TMEM237: variants seen among roughly 807,000 people sequenced by gnomAD.
TMEM237 encodes transmembrane protein 237.
TMEM237 carries 51 observed loss-of-function variants against 59.1 expected under a neutral mutation model. The observed-to-expected ratio is 0.86, with a 90% CI of 0.69 to 1.09. TMEM237 has a LOEUF of 1.09. TMEM237 is among the 50% of genes least tolerant of loss of function. TMEM237 has a pLI of 0.00. For missense variants in TMEM237, 475 were observed against 478.3 expected (o/e 0.99, Z 0.06); for synonymous variants, 140 against 166.1 (o/e 0.84, Z 1.21).
chr2:201,638,746 T>C (rs1452102009), intron 4 of TMEM237: 3 of 518,988 alleles, frequency 5.8e-6, no homozygotes, highest in Non-Finnish European at 6.8e-6. Flanking sequence ...ATCATGGAAA[T>C]AGGAGCTTAG....
intron 5 of TMEM237, chr2:201,634,265 A>G (rs1380350469): frequency 6.6e-6 from 1 of 152,140 alleles, no homozygotes; most frequent in Non-Finnish European, 1.5e-5. Flanking sequence ...CTTCTAATCC[A>G]CTAGCTACTC....
intron 7 of TMEM237, chr2:201,631,193 TAAGAAG>T (rs960779118): frequency 2.0e-5 from 3 of 152,154 alleles, no homozygotes; most frequent in Non-Finnish European, 4.4e-5. Flanking sequence ...ATAATCCTTT[TAAGAAG>T]AAGAAGACAC....
Position 201,622,931 on chromosome 2 carries a change from T to G in TMEM237, c.*1324A>C, listed in dbSNP as rs1175265180. ...CCTGAAGTTTGCTGACGGGGAAGAT[T>G]ATGAACTCCTATACTGCCAGCTTAT... On this transcript the variant is annotated 3_prime_UTR_variant, in exon 13 of 13. Coordinates refer to ENST00000409883, the MANE Select transcript of TMEM237 (RefSeq NM_001044385.3). The G allele has an allele frequency of 6.4e-6, 1 of 156,948 alleles. No homozygotes were observed. Among genetic ancestry groups the G allele is most frequent in the Non-Finnish European group, 1.4e-5 (1 of 70,858 alleles). 9.7% of individuals were successfully genotyped at this position (156,948 alleles called of 1,614,324 possible).
intron 1 of TMEM237, among the ~76,000 whole-genome samples, chr2:201,641,218 C>T (rs1687409960): frequency 6.6e-6 from 1 of 152,170 alleles, no homozygotes; most frequent in Non-Finnish European, 1.5e-5. Flanking sequence ...TCTTGAACTC[C>T]TGACCTCAGG....
rs765332524 is a variant in TMEM237 at position 201,642,747 on chromosome 2, C to A, written c.42+612G>T. The A allele has an allele frequency of 3.0e-5, 44 of 1,467,590 alleles. No individual in the cohort carries two copies. In the East Asian group the frequency reaches 1.1e-3, roughly 35 times the overall value. 90.9% of individuals were successfully genotyped at this position (1,467,590 alleles called of 1,614,324 possible). On this transcript the variant is annotated intron_variant, in intron 1 of 12. Coordinates refer to ENST00000409883, the MANE Select transcript of TMEM237 (RefSeq NM_001044385.3). Reference sequence around the variant, plus strand: ...GGGCCGCGCCGCCTGGCTAGTACCCCGCGCGCAGCGCCCTGCGGGGATGTT... The same window carrying A: ...GGGCCGCGCCGCCTGGCTAGTACCCAGCGCGCAGCGCCCTGCGGGGATGTT...
rs918207196 is a variant in TMEM237, at chr2:201,629,354, C to G, written c.745G>C (p.Val249Leu). The G allele has an allele frequency of 6.2e-7, 1 of 1,610,000 alleles. No individual in the cohort carries two copies. The highest frequency in any genetic ancestry group is 1.3e-5 in the African/African-American group (1 of 74,918). ...TTGGATAGCTGATCTCCTGCTAGAA[C>G]ATATATCACAACAATATTCCACACA... ...CAVWNIVVIY[V>L]LAGDQLSNLS... Residue 249 changes from valine (V) to leucine (L), a missense_variant, in exon 9 of 13, where the codon GTT (valine) becomes CTT (leucine). By Grantham distance (32) the Val-to-Leu change is conservative. Transcript: ENST00000409883.
Position 201,622,395 on chromosome 2 carries a change from C to T in TMEM237, c.*1860G>A, listed in dbSNP as rs1460762812. Reference sequence around the variant, plus strand: ...CAAAACCAAGGTATCCACAGAGCTGCCTTCCTTTCTTGGCTCTAGGGGAGG... The same window carrying T: ...CAAAACCAAGGTATCCACAGAGCTGTCTTCCTTTCTTGGCTCTAGGGGAGG... On this transcript the variant is annotated 3_prime_UTR_variant, in exon 13 of 13. Coordinates refer to ENST00000409883, the MANE Select transcript of TMEM237 (RefSeq NM_001044385.3). 1 of 152,248 alleles carries T rather than the reference C, an allele frequency of 6.6e-6. No individual in the cohort carries two copies. The highest frequency in any genetic ancestry group is 6.5e-5 in the Admixed American group (1 of 15,276). 9.4% of individuals were successfully genotyped at this position (152,248 alleles called of 1,614,324 possible).
At chr2:201,628,490 A>G (rs1419510486) in intron 9 of TMEM237, among the ~76,000 whole-genome samples, 1 of 152,130 alleles carries the variant, frequency 6.6e-6, no homozygotes, top group Admixed American at 6.5e-5. Context: ...AAGGGGCTAA[A>G]TTGTGTTCCC....
At chr2:201,638,718 C>T in intron 4 of TMEM237, 1 of 454,286 alleles carries the variant, frequency 2.2e-6, no homozygotes, top group Admixed American at 3.9e-5. Context: ...GATAAAAGAC[C>T]TTAAAGAGTC....
At position 201,636,791 on chromosome 2, in the gene TMEM237, C is replaced by A. The variant is rs779250127; in HGVS notation, c.231G>T (p.Glu77Asp). ...TTTTCTGTCTTCTTTGAACAGGAGCCTCTGGGTGCTCTTTGAGTTCTTTAG... is the reference window on the plus strand; with the variant it reads ...TTTTCTGTCTTCTTTGAACAGGAGCATCTGGGTGCTCTTTGAGTTCTTTAG... ...PSTKELKEHP[E>D]APVQRRQKKT... The change falls in exon 5 of 13, where the codon GAG (glutamate) becomes GAT (aspartate). Residue 77 changes from glutamate (E) to aspartate (D), a missense_variant. By Grantham distance (45) the Glu-to-Asp change is conservative. Transcript: ENST00000409883. 2.3e-5 allele frequency: 37 copies of A among 1,590,192 alleles called. No individual in the cohort carries two copies. The highest frequency in any genetic ancestry group is 2.9e-5 in the Non-Finnish European group (34 of 1,167,628).
Position 201,643,273 on chromosome 2 carries a change from C to CGGGGGGGGGG in TMEM237, c.42+85_42+86insCCCCCCCCCC. The CGGGGGGGGGG allele has an allele frequency of 8.2e-7, 1 of 1,223,756 alleles. No individual in the cohort carries two copies. The highest frequency in any genetic ancestry group is 1.3e-5 in the South Asian group (1 of 74,864). 75.8% of individuals were successfully genotyped at this position (1,223,756 alleles called of 1,614,324 possible). Reference sequence around the variant, plus strand: ...CCCTTAGTGATTCCCAGCTCGTTGGCGCCCCCCCACACACACCCACCCCCA... The same window carrying CGGGGGGGGGG: ...CCCTTAGTGATTCCCAGCTCGTTGGCGGGGGGGGGGGCCCCCCCACACACACCCACCCCCA... On this transcript the variant is annotated intron_variant, in intron 1 of 12. Transcript: ENST00000409883. This position sits in a 1 kb window ranked among gnomAD's most constrained non-coding sequence, Gnocchi z 4.3.
chr2:201,629,419 A>T lies in TMEM237; in HGVS notation c.680T>A (p.Met227Lys). ...GAATCCATGAGAAAAGAGACCAATC[A>T]TCCTGAATGGAAAAGGGTTTGATTA... ...VALTVHRAFR[M>K]IGLFSHGFLA... Residue 227 changes from methionine to lysine, a missense_variant and splice_region_variant, in exon 9 of 13, where the codon ATG (methionine) becomes AAG (lysine). Coordinates refer to ENST00000409883, the MANE Select transcript of TMEM237 (RefSeq NM_001044385.3). The T allele has an allele frequency of 6.4e-7, 1 of 1,557,798 alleles. No homozygotes were observed. The highest frequency in any genetic ancestry group is 8.6e-7 in the Non-Finnish European group (1 of 1,159,974).
rs1450618638 is a variant in TMEM237, at chr2:201,626,072, T to C, written c.1113A>G (p.Leu371=). The C allele has an allele frequency of 3.7e-6, 6 of 1,605,210 alleles. No homozygotes were observed. The highest frequency in any genetic ancestry group is 5.1e-6 in the Non-Finnish European group (6 of 1,175,426). ...VNLVVALLVG[L]SWLFLSYRPG... Reference sequence around the variant, plus strand: ...GCCTATAAGACAAAAATAGCCAAGATAATCCAACCAGAAGAGCCACCACGA... The same window carrying C: ...GCCTATAAGACAAAAATAGCCAAGACAATCCAACCAGAAGAGCCACCACGA... Residue 371 remains leucine, a synonymous_variant, in exon 12 of 13, where the codon TTA becomes TTG. Coordinates refer to ENST00000409883, the MANE Select transcript of TMEM237 (RefSeq NM_001044385.3).
chr2:201,629,204 G>C, intron 9 of TMEM237, 26 bp downstream of exon 9: 1 of 1,467,508 alleles, frequency 6.8e-7, no homozygotes, highest in South Asian at 1.6e-5. Flanking sequence ...GAAGAAGTTA[G>C]ACAGATCTGG....
In TMEM237 at chr2:201,629,828, G is replaced by C. The variant is rs757282639; in HGVS notation, c.578C>G (p.Ser193Ter). 4 of 1,612,742 alleles carry C rather than the reference G, an allele frequency of 2.5e-6. No individual in the cohort carries two copies. Among genetic ancestry groups the C allele is most frequent in the Non-Finnish European group, 1.7e-6 (2 of 1,179,626 alleles). ...GTTTTCTGTGGTCTTTATCAACTCTGAACGATCAGCAGCCTGGAATCTCCC... is the reference window on the plus strand; with the variant it reads ...GTTTTCTGTGGTCTTTATCAACTCTCAACGATCAGCAGCCTGGAATCTCCC... ...KSRRFQAADR[S>*]ELIKTTENID... Residue 193 changes from serine to a stop codon, truncating the protein, a stop_gained, in exon 8 of 13, where the codon TCA becomes TGA. Coordinates refer to ENST00000409883, the MANE Select transcript of TMEM237 (RefSeq NM_001044385.3). LOFTEE classifies it high-confidence loss of function.
rs1553659838 is a variant in TMEM237, at chr2:201,626,099, A to T, written c.1086T>A (p.Asn362Lys). ...EQILQPWIVV[N>K]LVVALLVGLS... ...ATCCAACCAGAAGAGCCACCACGAG[A>T]TTCACCACAATCCATGGCTGGAGAA... The change falls in exon 12 of 13, where the codon AAT becomes AAA. Residue 362 changes from asparagine to lysine, a missense_variant. Coordinates refer to ENST00000409883, the MANE Select transcript of TMEM237 (RefSeq NM_001044385.3). 6.2e-7 allele frequency: 1 copy of T among 1,610,364 alleles called. No homozygotes were observed. Among genetic ancestry groups the T allele is most frequent in the Non-Finnish European group, 8.5e-7 (1 of 1,178,198 alleles).
At chr2:201,628,012 C>T (rs922777286) in intron 10 of TMEM237, 64 bp downstream of exon 10, 39 of 1,201,138 alleles carry the variant, frequency 3.2e-5, no homozygotes, top group Non-Finnish European at 4.0e-5. Flanking sequence ...TTATATTTAT[C>T]CTGGTTCAAA....
chr2:201,634,778 C>T (rs1687262433), intron 5 of TMEM237: 1 of 332,438 alleles, frequency 3.0e-6, no homozygotes, highest in East Asian at 1.1e-4. Context: ...TGCCCCCAGG[C>T]ACTGTGGCAT....
intron 3 of TMEM237, among the ~76,000 whole-genome samples, chr2:201,639,817 T>C (rs1270159917): frequency 2.0e-5 from 3 of 151,914 alleles, no homozygotes; most frequent in Non-Finnish European, 2.9e-5. Context: ...AAAAAAAAAG[T>C]AGCCTAGATT....
Sources: gnomAD v4.1 joint callset for allele counts (sites outside exome capture counted in the v4.1 genomes callset) on GRCh38, gnomAD v4.1.1 for gene constraint, Gnocchi (gnomAD v3.1) non-coding constraint, MANE v1.5 for transcripts, NCBI Gene and HGNC (gene_info 2026-07-23, HGNC 2026-07-21) for gene names.